Variants in SLC10A7 observed in about 807,000 individuals in gnomAD.
SLC10A7 encodes sodium/bile acid cotransporter 7.
SLC10A7 carries 29 observed loss-of-function variants against 43.2 expected under a neutral mutation model. The ratio of observed to expected loss-of-function variants is 0.67; its 90% CI spans 0.50 to 0.92. The LOEUF (loss-of-function observed/expected upper bound fraction) is 0.92, where lower values mean the gene tolerates loss of function less well. Ranked by LOEUF, SLC10A7 falls within the 40% of genes least tolerant of loss-of-function variation. The probability of loss-of-function intolerance (pLI) is 0.00; values close to 1 mark genes in which losing one functional copy is unlikely to be tolerated. For synonymous variants in SLC10A7, 152 were observed against 144.8 expected (o/e 1.05, Z -0.35); for missense variants, 295 against 403.2 (o/e 0.73, Z 2.30).
At chr4:146,463,687 G>A (rs1024703099) in intron 4 of SLC10A7, among the ~76,000 whole-genome samples, 1 of 151,980 alleles carries the variant, frequency 6.6e-6, no homozygotes. Flanking sequence ...GCTGCAGTAA[G>A]CTAGGATTGT....
At chr4:146,286,248 A>G (rs77820295) in intron 9 of SLC10A7, among the ~76,000 whole-genome samples, 2,074 of 15,496 alleles carry the variant, frequency 0.13, 4 homozygotes, top group South Asian at 0.29. Context: ...GAGAAGGATC[A>G]TGTTTGGAGT....
intron 4 of SLC10A7, among the ~76,000 whole-genome samples, chr4:146,461,545 T>A (rs1732527391): frequency 6.6e-6 from 1 of 152,038 alleles, no homozygotes. Context: ...ACTAATGAAC[T>A]GACCATTTCT....
At chr4:146,296,398 T>C (rs1254741992) in intron 7 of SLC10A7, among the ~76,000 whole-genome samples, 1 of 152,168 alleles carries the variant, frequency 6.6e-6, no homozygotes, top group East Asian at 1.9e-4. Context: ...GTTAACCTAA[T>C]AATCTCTTTC....
intron 4 of SLC10A7, among the ~76,000 whole-genome samples, chr4:146,468,773 T>C (rs1274487981): frequency 6.6e-6 from 1 of 152,220 alleles, no homozygotes; most frequent in Non-Finnish European, 1.5e-5. Context: ...GCAAGGCTTT[T>C]AAAATACAGT....
intron 5 of SLC10A7, among the ~76,000 whole-genome samples, chr4:146,357,141 T>G (rs1488719392): frequency 6.6e-6 from 1 of 152,216 alleles, no homozygotes; most frequent in Non-Finnish European, 1.5e-5. Context: ...GAGTAGTATA[T>G]GTAACATACG....
At chr4:146,321,168 C>A (rs1732681039) in intron 6 of SLC10A7, among the ~76,000 whole-genome samples, 1 of 152,058 alleles carries the variant, frequency 6.6e-6, no homozygotes, top group African/African-American at 2.4e-5. Flanking sequence ...CAACTTGAAA[C>A]AACAGAAATA....
At chr4:146,508,164 G>A (rs13152024) in intron 3 of SLC10A7, among the ~76,000 whole-genome samples, 43,381 of 151,896 alleles carry the variant, frequency 0.29, 6,529 homozygotes, top group East Asian at 0.53. Context: ...AAATCTCTAC[G>A]AGTACCCAAC....
chr4:146,337,130 G>A (rs932220896), intron 5 of SLC10A7, among the ~76,000 whole-genome samples: 13 of 151,986 alleles, frequency 8.6e-5, no homozygotes, highest in African/African-American at 3.1e-4. Flanking sequence ...CATCTTCTAA[G>A]TTTTAGATTT....
intron 4 of SLC10A7, among the ~76,000 whole-genome samples, chr4:146,493,156 ATAAAGT>A (rs1735603363): frequency 6.6e-6 from 1 of 152,236 alleles, no homozygotes; most frequent in Non-Finnish European, 1.5e-5. Context: ...GAATTTGGAA[ATAAAGT>A]TAAAAATAAT....
chr4:146,278,628 C>G (rs1560756193), intron 10 of SLC10A7, among the ~76,000 whole-genome samples: 1 of 152,102 alleles, frequency 6.6e-6, no homozygotes, highest in African/African-American at 2.4e-5. Flanking sequence ...ATTTATATAA[C>G]TATTCCTTTC....
intron 4 of SLC10A7, among the ~76,000 whole-genome samples, chr4:146,445,964 G>A (rs570513116): frequency 3.9e-5 from 6 of 151,962 alleles, no homozygotes; most frequent in African/African-American, 1.4e-4. Flanking sequence ...GGGGTTTGCA[G>A]TTCTCATGGG....
At chr4:146,327,744 G>A (rs4835295) in intron 5 of SLC10A7, among the ~76,000 whole-genome samples, 111,389 of 152,154 alleles carry the variant, frequency 0.73, 41,301 homozygotes, top group African/African-American at 0.83. Flanking sequence ...TAACTGCTGC[G>A]ACCGGCGCTG....
intron 6 of SLC10A7, among the ~76,000 whole-genome samples, chr4:146,310,696 G>A (rs1731915590): frequency 6.6e-6 from 1 of 152,008 alleles, no homozygotes; most frequent in African/African-American, 2.4e-5. Context: ...ACCCCTTGAT[G>A]TTGGTTTTAT....
chr4:146,511,816 G>C (rs1737499273), intron 2 of SLC10A7, among the ~76,000 whole-genome samples: 1 of 152,198 alleles, frequency 6.6e-6, no homozygotes, highest in South Asian at 2.1e-4. Context: ...AGCACCAGCA[G>C]TTCCAGAGAA....
chr4:146,326,086 C>T, intron 5 of SLC10A7, 90 bp from the exon 6 acceptor site: 1 of 1,062,710 alleles, frequency 9.4e-7, no homozygotes, highest in Admixed American at 2.3e-5. Context: ...CATAGGAGTG[C>T]TTATCTTCTC....
chr4:146,418,203 T>G (rs1181337478), intron 5 of SLC10A7, among the ~76,000 whole-genome samples: 1 of 152,168 alleles, frequency 6.6e-6, no homozygotes, highest in Non-Finnish European at 1.5e-5. Context: ...CCTTATAAAT[T>G]ATCACAAAAC....
chr4:146,451,663 T>G (rs764573471), intron 4 of SLC10A7, among the ~76,000 whole-genome samples: 10 of 152,144 alleles, frequency 6.6e-5, no homozygotes, highest in African/African-American at 1.4e-4. Context: ...AAAATGCATT[T>G]CATAAAATTC....
intron 5 of SLC10A7, among the ~76,000 whole-genome samples, chr4:146,398,139 G>T (rs1417660732): frequency 1.3e-5 from 2 of 152,176 alleles, no homozygotes; most frequent in Admixed American, 6.5e-5. Flanking sequence ...GTGAATGACT[G>T]TATGAATAGG....
chr4:146,451,460 AC>A (rs1731599960), intron 4 of SLC10A7, among the ~76,000 whole-genome samples: 1 of 152,056 alleles, frequency 6.6e-6, no homozygotes, highest in Non-Finnish European at 1.5e-5. Context: ...CCTGATGAAC[AC>A]AGATGCAAAA....
Sources: gnomAD v4.1 joint callset for allele counts (sites outside exome capture counted in the v4.1 genomes callset) on GRCh38, gnomAD v4.1.1 for gene constraint, MANE v1.5 for transcripts, NCBI Gene and HGNC (gene_info 2026-07-23, HGNC 2026-07-21) for gene names.